The following FTCDNL1 variants were observed in gnomAD, a reference collection of about 807,000 sequenced individuals.
FTCDNL1 encodes the protein formiminotransferase cyclodeaminase N-terminal like.
In FTCDNL1, 11 loss-of-function variants were observed where a neutral mutation model predicts 5.9. The ratio of observed to expected loss-of-function variants is 1.87; its 90% CI spans 1.18 to 3.10. The LOEUF (loss-of-function observed/expected upper bound fraction) is 3.10. Ranked by LOEUF, FTCDNL1 falls within the 30% of genes most tolerant of loss-of-function variation. The pLI, the probability that FTCDNL1 is intolerant of heterozygous loss-of-function variation, is 0.00. For synonymous variants in FTCDNL1, 58 were observed against 24.8 expected, an observed-to-expected ratio of 2.34 and a Z score of -3.99; for missense variants, 115 against 65.5, an observed-to-expected ratio of 1.76 and a Z score of -2.61.
At chr2:199,829,672 A>T (rs1702247974) in intron 3 of FTCDNL1, among the ~76,000 whole-genome samples, 1 of 152,180 alleles carries the variant, frequency 6.6e-6, no homozygotes, top group Non-Finnish European at 1.5e-5. Flanking sequence ...ATTTAATATC[A>T]TTCTTTTCCC....
the FTCDNL1 span, among the ~76,000 whole-genome samples, chr2:199,732,089 C>A: frequency 6.6e-6 from 1 of 152,228 alleles, no homozygotes; most frequent in South Asian, 2.1e-4. Context: ...TCTCCTGCTT[C>A]TGTCTCTGTA....
At position 199,833,402 on chromosome 2, in the gene FTCDNL1, G is replaced by A. The variant is rs557965718; in HGVS notation, c.211+12673C>T. 2.4e-3 allele frequency among the ~76,000 whole-genome samples: 367 copies of A among 152,288 alleles called. 1 individual carries two copies. The highest frequency in any genetic ancestry group is 4.1e-3 in the Non-Finnish European group (276 of 68,022). Reference sequence around the variant, plus strand: ...TACACATATACACCCTGAGTGGGTGGAATTGGTATTGACCTTTCACTTGCA... The same window carrying A: ...TACACATATACACCCTGAGTGGGTGAAATTGGTATTGACCTTTCACTTGCA... On this transcript the variant is annotated intron_variant, in intron 3 of 4. Coordinates refer to ENST00000420128, the MANE Select transcript of FTCDNL1 (RefSeq NM_001363886.2).
At chr2:199,721,278 C>G in the FTCDNL1 span, among the ~76,000 whole-genome samples, 2 of 152,082 alleles carry the variant, frequency 1.3e-5, no homozygotes, top group Non-Finnish European at 2.9e-5. Flanking sequence ...TCCCTTCCCC[C>G]TACTCCCAAC....
At chr2:199,718,482 A>G in the FTCDNL1 span, among the ~76,000 whole-genome samples, 2 of 152,056 alleles carry the variant, frequency 1.3e-5, no homozygotes, top group Non-Finnish European at 2.9e-5. Context: ...CCATGTCTTC[A>G]CTCTTGTAAA....
chr2:199,842,211 T>C (rs1168693496), intron 3 of FTCDNL1, among the ~76,000 whole-genome samples: 1 of 152,048 alleles, frequency 6.6e-6, no homozygotes, highest in Non-Finnish European at 1.5e-5. Flanking sequence ...GAGGTTGTAG[T>C]GAGCTGAGAT....
chr2:199,754,076 G>A, the FTCDNL1 span, among the ~76,000 whole-genome samples: 1 of 152,170 alleles, frequency 6.6e-6, no homozygotes, highest in Non-Finnish European at 1.5e-5. Context: ...GGGCCTCAGG[G>A]CCTTCTCATG....
At chr2:199,731,115 T>C in the FTCDNL1 span, among the ~76,000 whole-genome samples, 4 of 152,204 alleles carry the variant, frequency 2.6e-5, no homozygotes, top group African/African-American at 9.7e-5. Flanking sequence ...ACACTGCATG[T>C]TCTCACTCAC....
chr2:199,816,374 T>G (rs1701353219), intron 4 of FTCDNL1, among the ~76,000 whole-genome samples: 2 of 152,314 alleles, frequency 1.3e-5, no homozygotes, highest in Admixed American at 1.3e-4. Flanking sequence ...CTTCTTATCA[T>G]GAATATGCCA....
intron 3 of FTCDNL1, among the ~76,000 whole-genome samples, chr2:199,801,404 T>A (rs1700441608): frequency 6.6e-6 from 1 of 152,032 alleles, no homozygotes; most frequent in African/African-American, 2.4e-5. Context: ...CTCAGCACTT[T>A]GGGAGGCCCA....
the FTCDNL1 span, among the ~76,000 whole-genome samples, chr2:199,697,633 C>A: frequency 2.0e-5 from 3 of 152,078 alleles, no homozygotes. Context: ...TAAGGGAGTG[C>A]TAAACATAAA....
chr2:199,841,078 G>C (rs562395491), intron 3 of FTCDNL1, among the ~76,000 whole-genome samples: 135 of 152,118 alleles, frequency 8.9e-4, no homozygotes, highest in African/African-American at 3.0e-3. Flanking sequence ...TTGAACTAGA[G>C]AGGCAGAGGT....
At chr2:199,715,400 A>C in the FTCDNL1 span, among the ~76,000 whole-genome samples, 1 of 152,048 alleles carries the variant, frequency 6.6e-6, no homozygotes, top group Non-Finnish European at 1.5e-5. Context: ...TGTTCTAGTG[A>C]TAGTGAATAA....
the FTCDNL1 span, among the ~76,000 whole-genome samples, chr2:199,717,509 A>AGTTTTTTTTT: frequency 1.7e-5 from 1 of 57,660 alleles, no homozygotes; most frequent in African/African-American, 7.2e-5. Flanking sequence ...CAAGGCAGAG[A>AGTTTTTTTTT]TTTTTTTTTT....
At chr2:199,764,913 G>A (rs1698441473) in intron 3 of FTCDNL1, among the ~76,000 whole-genome samples, 1 of 152,136 alleles carries the variant, frequency 6.6e-6, no homozygotes, top group African/African-American at 2.4e-5. Context: ...CACAGCCATT[G>A]TGAAGCTTTC....
intron 3 of FTCDNL1, among the ~76,000 whole-genome samples, chr2:199,821,503 C>T (rs761437655): frequency 5.3e-5 from 8 of 150,858 alleles, no homozygotes; most frequent in Non-Finnish European, 1.0e-4. Flanking sequence ...TTCACGCTGT[C>T]GCCCAGGCTG....
rs1701029135 is a variant in FTCDNL1, at chr2:199,811,413, T to C, written c.*1292A>G. ...TTTGACTCAAGGAATGGTAATATCT[T>C]TACCATCGTTCCAACAAATAGTTGG... is the stretch of plus-strand genomic sequence containing the variant. On this transcript the variant is annotated 3_prime_UTR_variant, in exon 5 of 5. Transcript: ENST00000420128. Among the ~76,000 whole-genome samples the C allele has an allele frequency of 6.6e-6, 1 of 152,230 alleles. No individual in the cohort carries two copies. Among genetic ancestry groups the C allele is most frequent in the Non-Finnish European group, 1.5e-5 (1 of 68,042 alleles).
chr2:199,689,825 A>AC, the FTCDNL1 span, among the ~76,000 whole-genome samples: 1 of 151,614 alleles, frequency 6.6e-6, no homozygotes, highest in African/African-American at 2.4e-5. Flanking sequence ...AAAAAAAAAA[A>AC]AAAAGAATAT....
the FTCDNL1 span, among the ~76,000 whole-genome samples, chr2:199,683,106 C>T: frequency 6.6e-6 from 1 of 152,098 alleles, no homozygotes. Context: ...AAGTTTTGCA[C>T]CCAAAATTGA....
At chr2:199,742,393 TC>T in the FTCDNL1 span, among the ~76,000 whole-genome samples, 2 of 152,206 alleles carry the variant, frequency 1.3e-5, no homozygotes, top group African/African-American at 2.4e-5. Context: ...TAACTCTGTT[TC>T]TTAGGATTTA....
Sources: gnomAD v4.1 joint callset for allele counts (sites outside exome capture counted in the v4.1 genomes callset) on GRCh38, gnomAD v4.1.1 for gene constraint, MANE v1.5 for transcripts, NCBI Gene and HGNC (gene_info 2026-07-23, HGNC 2026-07-21) for gene names.